Variants in ADAM29 observed in about 807,000 individuals in gnomAD.
The protein encoded by ADAM29 is disintegrin and metalloproteinase domain-containing protein 29.
For synonymous variants in ADAM29, 367 were observed against 342.3 expected (o/e 1.07, Z -0.80); for missense variants, 969 against 1,001.8 (o/e 0.97, Z 0.44).
intron 4 of ADAM29, among the ~76,000 whole-genome samples, chr4:174,954,633 C>T (rs1426616531): frequency 6.6e-6 from 1 of 152,138 alleles, no homozygotes; most frequent in Non-Finnish European, 1.5e-5. Context: ...TTCTGCCTTT[C>T]ATTTAACACC....
chr4:174,949,029 G>T (rs954756953), intron 4 of ADAM29, among the ~76,000 whole-genome samples: 2 of 152,120 alleles, frequency 1.3e-5, no homozygotes, highest in African/African-American at 4.8e-5. Context: ...CATTGGTAAG[G>T]ATTAGTCTGC....
At chr4:174,934,854 T>C (rs900211180) in intron 3 of ADAM29, among the ~76,000 whole-genome samples, 10 of 152,188 alleles carry the variant, frequency 6.6e-5, no homozygotes, top group African/African-American at 9.7e-5. Context: ...TCTGATATTA[T>C]AATTAGATGC....
At chr4:174,959,730 T>C (rs761743730) in intron 4 of ADAM29, among the ~76,000 whole-genome samples, 41 of 151,980 alleles carry the variant, frequency 2.7e-4, no homozygotes, top group Non-Finnish European at 4.9e-4. Flanking sequence ...ATCTTCAAGA[T>C]TGCCGCTAGC....
chr4:174,965,884 G>C (rs1263529774), intron 4 of ADAM29, among the ~76,000 whole-genome samples: 1 of 152,178 alleles, frequency 6.6e-6, no homozygotes, highest in East Asian at 1.9e-4. Flanking sequence ...ATGTGAATTA[G>C]TGGGTACACA....
At chr4:174,972,522 G>A (rs1746531898) in intron 4 of ADAM29, among the ~76,000 whole-genome samples, 1 of 152,168 alleles carries the variant, frequency 6.6e-6, no homozygotes, top group Non-Finnish European at 1.5e-5. Context: ...ACCCATCAGA[G>A]ATCCAAGAGT....
At position 174,975,640 on chromosome 4, in the gene ADAM29, A is replaced by G; in HGVS notation, c.115A>G (p.Ile39Val). The change falls in exon 5 of 5, where the codon ATA (isoleucine) becomes GTA (valine). Residue 39 changes from isoleucine to valine, a missense_variant. Transcript: ENST00000359240. ...SPPDVVIPVR[I>V]TGTTRGMTPP... is the part of the protein sequence containing the mutation. ...TCCGGATGTGGTGATTCCTGTGAGG[A>G]TAACTGGCACCACCAGAGGCATGAC... The G allele has an allele frequency of 6.2e-7, 1 of 1,613,054 alleles. No homozygotes were observed. Among genetic ancestry groups the G allele is most frequent in the Non-Finnish European group, 8.5e-7 (1 of 1,179,512 alleles).
chr4:174,976,116 T>G lies in ADAM29; in HGVS notation c.591T>G (p.Phe197Leu). The change falls in exon 5 of 5, where the codon TTT becomes TTG. Residue 197 changes from phenylalanine to leucine, a missense_variant. By Grantham distance (22) the Phe-to-Leu change is conservative. Coordinates refer to ENST00000359240, the MANE Select transcript of ADAM29 (RefSeq NM_014269.4). ...QSSYVGWWIHFRIVEIVVVID... is the reference protein window; with the variant it reads ...QSSYVGWWIHLRIVEIVVVID... ...CTTATGTGGGCTGGTGGATCCATTT[T>G]AGGATTGTTGAAATTGTAGTCGTCA... 10 of 1,613,104 alleles carry G rather than the reference T, an allele frequency of 6.2e-6. No individual in the cohort carries two copies. Among genetic ancestry groups the G allele is most frequent in the Non-Finnish European group, 6.8e-6 (8 of 1,179,886 alleles).
In ADAM29 at chr4:174,977,004, C is replaced by G; in HGVS notation, c.1479C>G (p.Cys493Trp). The G allele has an allele frequency of 6.2e-7, 1 of 1,614,134 alleles. No homozygotes were observed. The highest frequency in any genetic ancestry group is 8.5e-7 in the Non-Finnish European group (1 of 1,180,034). The change falls in exon 5 of 5, where the codon TGC (cysteine) becomes TGG (tryptophan). Residue 493 changes from cysteine to tryptophan, a missense_variant. Coordinates refer to ENST00000359240, the MANE Select transcript of ADAM29 (RefSeq NM_014269.4). ...DGIPCKERGYCYEKSCHDRNE... is the reference protein window; with the variant it reads ...DGIPCKERGYWYEKSCHDRNE... ...TTCCCTGTAAGGAGAGGGGCTACTG[C>G]TATGAAAAGAGCTGTCATGACCGCA...
chr4:174,954,420 TA>T (rs2111032133), intron 4 of ADAM29, among the ~76,000 whole-genome samples: 1 of 152,336 alleles, frequency 6.6e-6, no homozygotes, highest in South Asian at 2.1e-4. Flanking sequence ...TTATTCTCGT[TA>T]AGGCTAAAAT....
intron 4 of ADAM29, among the ~76,000 whole-genome samples, chr4:174,962,690 A>G (rs535898495): frequency 3.9e-5 from 6 of 152,268 alleles, no homozygotes; most frequent in African/African-American, 1.4e-4. Context: ...AGCTAGATTT[A>G]ACCATCCCAC....
intron 4 of ADAM29, among the ~76,000 whole-genome samples, chr4:174,940,439 T>G (rs1328600373): frequency 6.6e-6 from 1 of 152,162 alleles, no homozygotes; most frequent in Non-Finnish European, 1.5e-5. Context: ...ATAAAGTCCC[T>G]AATGTTATAA....
intron 2 of ADAM29, among the ~76,000 whole-genome samples, 168 bp downstream of exon 2, chr4:174,920,960 C>T (rs1044752446): frequency 6.6e-6 from 1 of 152,030 alleles, no homozygotes; most frequent in African/African-American, 2.4e-5. Context: ...AAGAAAATGT[C>T]GATTGATCAT....
In ADAM29 at chr4:174,977,685, A is replaced by C; in HGVS notation, c.2160A>C (p.Lys720Asn). 1 of 1,614,234 alleles carries C rather than the reference A, an allele frequency of 6.2e-7. No individual in the cohort carries two copies. Among genetic ancestry groups the C allele is most frequent in the Non-Finnish European group, 8.5e-7 (1 of 1,180,040 alleles). ...VQTPSAKEEEKIQRRPHELPP... is the reference protein window; with the variant it reads ...VQTPSAKEEENIQRRPHELPP... ...CTCCATCTGCAAAAGAAGAGGAAAA[A>C]ATTCAGCGTCGACCTCATGAGTTAC... The change falls in exon 5 of 5, where the codon AAA (lysine) becomes AAC (asparagine). Residue 720 changes from lysine to asparagine, a missense_variant. By Grantham distance (94) the Lys-to-Asn change is moderately conservative. Coordinates refer to ENST00000359240, the MANE Select transcript of ADAM29 (RefSeq NM_014269.4).
rs749445397 is a variant in ADAM29, at chr4:174,975,999, A to G, written c.474A>G (p.Gln158=). 11 of 1,613,898 alleles carry G rather than the reference A, an allele frequency of 6.8e-6. No homozygotes were observed. The highest frequency in any genetic ancestry group is 9.3e-6 in the Non-Finnish European group (11 of 1,179,988). Residue 158 remains glutamine (Q), a synonymous_variant, in exon 5 of 5, where the codon CAA becomes CAG. Coordinates refer to ENST00000359240, the MANE Select transcript of ADAM29 (RefSeq NM_014269.4). ...LVYKMDSEEK[Q]FSTMRSGFMQ... ...ACAAGATGGACAGTGAGGAGAAACA[A>G]TTTTCAACCATGAGATCCGGATTTA... is the stretch of plus-strand genomic sequence containing the variant.
At chr4:174,930,546 A>G (rs1016727718) in intron 2 of ADAM29, among the ~76,000 whole-genome samples, 1 of 152,216 alleles carries the variant, frequency 6.6e-6, no homozygotes, top group African/African-American at 2.4e-5. Flanking sequence ...GGAATGTCAT[A>G]TTAAAGTCCT....
At chr4:174,966,010 A>G (rs1330794081) in intron 4 of ADAM29, among the ~76,000 whole-genome samples, 2 of 152,210 alleles carry the variant, frequency 1.3e-5, no homozygotes, top group Non-Finnish European at 2.9e-5. Context: ...CGCAGATACC[A>G]AAACCCAGAT....
At chr4:174,957,458 T>C (rs1745567619) in intron 4 of ADAM29, among the ~76,000 whole-genome samples, 1 of 151,864 alleles carries the variant, frequency 6.6e-6, no homozygotes, top group Admixed American at 6.6e-5. Flanking sequence ...CTTTAAGATA[T>C]GGTGTTCCTC....
intron 4 of ADAM29, among the ~76,000 whole-genome samples, chr4:174,948,949 G>A (rs750140744): frequency 5.3e-5 from 8 of 152,190 alleles, no homozygotes; most frequent in East Asian, 1.9e-4. Flanking sequence ...TAAGGGGGCC[G>A]TGAGTGAGTG....
intron 4 of ADAM29, among the ~76,000 whole-genome samples, chr4:174,937,600 C>T (rs1449786503): frequency 1.3e-5 from 2 of 152,002 alleles, no homozygotes; most frequent in African/African-American, 4.8e-5. Flanking sequence ...GGTTCTCAAA[C>T]AGATCATATT....
Sources: allele counts gnomAD v4.1 joint callset (sites outside exome capture counted in the v4.1 genomes callset), GRCh38; gene constraint gnomAD v4.1.1; transcripts MANE v1.5; gene names NCBI Gene and HGNC (gene_info 2026-07-23, HGNC 2026-07-21).